The following FOXP3 variants were observed in gnomAD, a reference collection of about 807,000 sequenced individuals.
The protein encoded by FOXP3 is forkhead box protein P3.
In FOXP3, 5 loss-of-function variants were observed where a neutral mutation model predicts 31.2. That is an observed-to-expected ratio of 0.16 (90% CI 0.08 to 0.34). The LOEUF is 0.34. Ranked by LOEUF, FOXP3 falls within the 10% of genes least tolerant of loss-of-function variation. FOXP3 has a pLI of 1.00. For synonymous variants in FOXP3, 141 were observed against 148.8 expected (o/e 0.95, Z 0.38); for missense variants, 251 against 363.0 (o/e 0.69, Z 2.51).
intron 9 of FOXP3, among the ~76,000 whole-genome samples, chrX:49,253,479 C>T (rs948444134): frequency 1.8e-5 from 2 of 113,324 alleles, no homozygotes; most frequent in African/African-American, 3.2e-5. Flanking sequence ...GGATGACAGT[C>T]AAGGTCTCTG....
intron 10 of FOXP3, 81 bp from the exon 11 acceptor site, chrX:49,251,846 G>C: frequency 8.6e-7 from 1 of 1,167,770 alleles, no homozygotes; most frequent in South Asian, 1.9e-5. Context: ...CGAGCCATCT[G>C]ACATGGGGGC....
In FOXP3 at chrX:49,258,358, G is replaced by T; in HGVS notation, c.148C>A (p.Leu50Ile). 2.6e-6 allele frequency: 3 copies of T among 1,167,623 alleles called. No homozygotes were observed. Among genetic ancestry groups the T allele is most frequent in the Non-Finnish European group, 3.4e-6 (3 of 872,549 alleles). Residue 50 changes from leucine to isoleucine, a missense_variant, in exon 2 of 12, where the codon CTT becomes ATT. Coordinates refer to ENST00000376207, the MANE Select transcript of FOXP3 (RefSeq NM_014009.4). Reference sequence around the variant, plus strand: ...GAGGAGGCATGGGCCCCGCCTCGAAGATCTCGGCCCTGGAAGGTTCCCCCT... The same window carrying T: ...GAGGAGGCATGGGCCCCGCCTCGAATATCTCGGCCCTGGAAGGTTCCCCCT... ...GPGGTFQGRD[L>I]RGGAHASSSS...
At chrX:49,263,397 G>GC (rs2147952736) in intron 1 of FOXP3, among the ~76,000 whole-genome samples, 1 of 111,424 alleles carries the variant, frequency 9.0e-6, no homozygotes, top group African/African-American at 3.3e-5. Flanking sequence ...AAAAATGCAC[G>GC]CCCCCTTTGC....
chrX:49,254,945 G>GT (rs1201744900), intron 8 of FOXP3, among the ~76,000 whole-genome samples: 311 of 95,899 alleles, frequency 3.2e-3, no homozygotes, highest in Middle Eastern at 5.4e-3. Context: ...GAGTCAGAGG[G>GT]TTTTTTTTTT....
rs782819036 is a variant in FOXP3, at chrX:49,255,853, C to T, written c.648-51G>A. 4.7e-6 allele frequency: 5 copies of T among 1,070,923 alleles called. No individual in the cohort carries two copies. In the Admixed American group the frequency reaches 1.2e-4, roughly 26 times the overall value. 88.3% of individuals were successfully genotyped at this position (1,070,923 alleles called of 1,213,427 possible). A position where few individuals can be genotyped will look rare whatever the true frequency, so the allele number is the denominator to read the frequency against. On this transcript the variant is annotated intron_variant, in intron 6 of 11. Transcript: ENST00000376207. ...GGTGACCACGACAGGCCTGGTCTGGCTCAATGCTCTGAATGGGGAGGGCCC... is the reference window on the plus strand; with the variant it reads ...GGTGACCACGACAGGCCTGGTCTGGTTCAATGCTCTGAATGGGGAGGGCCC...
At chrX:49,258,815 A>G (rs1433300390) in intron 1 of FOXP3, among the ~76,000 whole-genome samples, 1 of 111,918 alleles carries the variant, frequency 8.9e-6, no homozygotes, top group Non-Finnish European at 1.9e-5. Context: ...TGTGTCCTCT[A>G]TGAGGGCAAT....
Position 49,255,454 on chromosome X carries a change from A to C in FOXP3, c.791T>G (p.Met264Arg). 8.3e-7 allele frequency: 1 copy of C among 1,203,862 alleles called. No homozygotes were observed. Among genetic ancestry groups the C allele is most frequent in the Non-Finnish European group, 1.1e-6 (1 of 891,469 alleles). The change falls in exon 8 of 12, where the codon ATG becomes AGG. Residue 264 changes from methionine to arginine, a missense_variant. Transcript: ENST00000376207. ...CACAGATGAAGCCTTGGTCAGTGCC[A>C]TTTTCCCAGCCAGGTGGGCCTGCAT... ...SAMQAHLAGK[M>R]ALTKASSVAS...
chrX:49,257,569 G>A lies in FOXP3; in HGVS notation c.316-4C>T, dbSNP rs977920377. ...CGTGGGCATCCACCGTTGAGAGCTG[G>A]GGGGCACATGTGGGCTGTGGTTCAG... is the stretch of plus-strand genomic sequence containing the variant. On this transcript the variant is annotated splice_region_variant and splice_polypyrimidine_tract_variant and intron_variant, in intron 3 of 11. Transcript: ENST00000376207. The A allele has an allele frequency of 1.8e-5, 21 of 1,195,079 alleles. No homozygotes were observed. The highest frequency in any genetic ancestry group is 2.4e-5 in the Non-Finnish European group (21 of 884,320).
At chrX:49,259,781 G>A (rs781913765) in intron 1 of FOXP3, among the ~76,000 whole-genome samples, 4 of 111,559 alleles carry the variant, frequency 3.6e-5, no homozygotes, top group East Asian at 5.6e-4. Flanking sequence ...GCCGAGTTCC[G>A]TAGTCCCATA....
At chrX:49,261,911 T>C (rs1174762097) in intron 1 of FOXP3, among the ~76,000 whole-genome samples, 2 of 112,223 alleles carry the variant, frequency 1.8e-5, no homozygotes, top group Non-Finnish European at 3.8e-5. Context: ...CCTTCTACAC[T>C]GAGCACGGAG....
chrX:49,257,812 C>G, intron 2 of FOXP3, 44 bp from the exon 3 acceptor site: 1 of 1,022,009 alleles, frequency 9.8e-7, no homozygotes, highest in Non-Finnish European at 1.3e-6. Context: ...CTGATCCTCA[C>G]TGTTCTGTGT....
At position 49,255,791 on chromosome X, in the gene FOXP3, G is replaced by A. The variant is rs2232369; in HGVS notation, c.659C>T (p.Ala220Val). The stretch of plus-strand genomic sequence containing the variant: ...GCCCTTCTCATCCAGAAGATGGTCC[G>A]CCTGGCAGTGCCTAAGTAGGGAGAA... ...EPEDFLKHCQADHLLDEKGRA... is the reference protein window; with the variant it reads ...EPEDFLKHCQVDHLLDEKGRA... Residue 220 changes from alanine (A) to valine (V), a missense_variant, in exon 7 of 12, where the codon GCG becomes GTG. Ala to Val is a moderately conservative substitution (Grantham distance 64). Transcript: ENST00000376207. 9.6e-5 allele frequency: 115 copies of A among 1,201,824 alleles called. No homozygotes were observed. Among genetic ancestry groups the A allele is most frequent in the Admixed American group, 4.6e-4 (21 of 45,200 alleles).
intron 8 of FOXP3, among the ~76,000 whole-genome samples, chrX:49,254,431 T>A (rs781959386): frequency 3.6e-5 from 4 of 112,186 alleles, no homozygotes; most frequent in Non-Finnish European, 5.6e-5. Context: ...TGCGCCTGGC[T>A]CCACTTTATT....
In FOXP3 at chrX:49,257,864, C is replaced by G. The variant is rs2066084672; in HGVS notation, c.211-96G>C. The G allele has an allele frequency of 9.2e-6, 6 of 653,087 alleles. No individual in the cohort carries two copies. The Admixed American group carries it at 1.7e-4, about 18-fold the overall frequency. The allele number at this position is 653,087 out of a possible 1,213,427, so 53.8% of individuals were successfully genotyped here. ...GCACTGCAAGCCCACATGGTAGATG[C>G]TATGATCATCCCCCTTTTACACGTA... On this transcript the variant is annotated intron_variant, in intron 2 of 11. Coordinates refer to ENST00000376207, the MANE Select transcript of FOXP3 (RefSeq NM_014009.4).
At chrX:49,253,777 T>C in intron 9 of FOXP3, 140 bp downstream of exon 9, 2 of 774,875 alleles carry the variant, frequency 2.6e-6, no homozygotes. Context: ...GCGGATGCAT[T>C]TTCCCAAAGG....
At chrX:49,260,007 T>C (rs895361793) in intron 1 of FOXP3, among the ~76,000 whole-genome samples, 5 of 110,744 alleles carry the variant, frequency 4.5e-5, no homozygotes, top group Non-Finnish European at 9.5e-5. Context: ...CTGGGGGTGG[T>C]TGTCAGAGCT....
chrX:49,262,008 C>A (rs2066113440), intron 1 of FOXP3, among the ~76,000 whole-genome samples: 1 of 112,245 alleles, frequency 8.9e-6, no homozygotes, highest in African/African-American at 3.2e-5. Flanking sequence ...TGACAATTGC[C>A]CCTCTATCCA....
chrX:49,259,281 A>G (rs1557116907), intron 1 of FOXP3: 1 of 524,030 alleles, frequency 1.9e-6, no homozygotes, highest in Admixed American at 2.6e-5. Context: ...AGGTGTAGAT[A>G]GACATGAAGA....
At chrX:49,254,333 T>C (rs2066054316) in intron 8 of FOXP3, among the ~76,000 whole-genome samples, 1 of 111,504 alleles carries the variant, frequency 9.0e-6, no homozygotes, top group Non-Finnish European at 1.9e-5. Flanking sequence ...GGTTTCACCA[T>C]GTTAGCCAGG....
Sources: allele counts gnomAD v4.1 joint callset (sites outside exome capture counted in the v4.1 genomes callset), GRCh38; gene constraint gnomAD v4.1.1; transcripts MANE v1.5; gene names NCBI Gene and HGNC (gene_info 2026-07-23, HGNC 2026-07-21).